The following PARPBP variants were observed in gnomAD, a reference collection of about 807,000 sequenced individuals.
PARPBP encodes PARP1 binding protein, also known as PCNA-interacting partner.
PARPBP carries 52 observed loss-of-function variants against 50.0 expected under a neutral mutation model. The ratio of observed to expected loss-of-function variants is 1.04; its 90% CI spans 0.83 to 1.31. The LOEUF (loss-of-function observed/expected upper bound fraction) is 1.31. PARPBP is among the 50% of genes most tolerant of loss of function. PARPBP has a pLI of 0.00. For missense variants in PARPBP, 697 were observed against 672.0 expected (o/e 1.04, Z -0.41); for synonymous variants, 244 against 232.1 (o/e 1.05, Z -0.47).
intron 6 of PARPBP, among the ~76,000 whole-genome samples, chr12:102,174,012 A>G (rs1175867529): frequency 6.6e-6 from 1 of 151,272 alleles, no homozygotes; most frequent in Non-Finnish European, 1.5e-5. Flanking sequence ...CTTACTATTA[A>G]AAACTTTAGA....
intron 6 of PARPBP, among the ~76,000 whole-genome samples, chr12:102,170,064 A>G (rs1888534776): frequency 6.6e-6 from 1 of 152,220 alleles, no homozygotes; most frequent in African/African-American, 2.4e-5. Context: ...ACTTTTCATG[A>G]GGCCATCTTA....
chr12:102,160,367 T>A (rs114273263), intron 4 of PARPBP, among the ~76,000 whole-genome samples: 1 of 152,316 alleles, frequency 6.6e-6, no homozygotes, highest in African/African-American at 2.4e-5. Flanking sequence ...TAGGATCAGG[T>A]ATATACATAT....
intron 2 of PARPBP, among the ~76,000 whole-genome samples, chr12:102,145,350 C>G (rs1045873506): frequency 1.3e-5 from 2 of 152,030 alleles, no homozygotes; most frequent in African/African-American, 4.8e-5. Context: ...CTATAGAAGA[C>G]AGCAATGTAT....
intron 6 of PARPBP, among the ~76,000 whole-genome samples, chr12:102,171,055 A>C (rs1888665532): frequency 6.6e-6 from 1 of 151,886 alleles, no homozygotes; most frequent in Admixed American, 6.6e-5. Flanking sequence ...CTTCAGGAGC[A>C]GTAATACCCC....
chr12:102,120,320 CA>C (rs1247715179), intron 1 of PARPBP, 34 bp downstream of exon 1: 1 of 370,822 alleles, frequency 2.7e-6, no homozygotes, highest in Non-Finnish European at 5.5e-6. Flanking sequence ...TGCCCTGTCG[CA>C]TTTTTAAGTG....
Position 102,184,425 on chromosome 12 carries a change from A to G in PARPBP, c.1263+1798A>G, listed in dbSNP as rs79022261. 4.8e-3 allele frequency among the ~76,000 whole-genome samples: 734 copies of G among 152,306 alleles called. 6 individuals are homozygous for G. The highest frequency in any genetic ancestry group is 0.017 in the African/African-American group (687 of 41,576). On this transcript the variant is annotated intron_variant, in intron 9 of 10. Transcript: ENST00000327680. ...TTTTTAAAGAAAATGTTAAGGCTCAACTAATTACTACGAAACGTATAGACA... is the reference window on the plus strand; with the variant it reads ...TTTTTAAAGAAAATGTTAAGGCTCAGCTAATTACTACGAAACGTATAGACA...
At chr12:102,156,006 C>T (rs185899018) in intron 4 of PARPBP, among the ~76,000 whole-genome samples, 56 of 152,164 alleles carry the variant, frequency 3.7e-4, no homozygotes, top group African/African-American at 1.1e-3. Flanking sequence ...ACACTCACTG[C>T]GTGGCCCCAG....
At chr12:102,159,378 C>T (rs1199682053) in intron 4 of PARPBP, among the ~76,000 whole-genome samples, 1 of 152,190 alleles carries the variant, frequency 6.6e-6, no homozygotes, top group African/African-American at 2.4e-5. Context: ...CCACCCACCT[C>T]GGCCTCCCAA....
intron 6 of PARPBP, among the ~76,000 whole-genome samples, chr12:102,169,186 TG>T (rs1283045244): frequency 1.3e-5 from 2 of 152,222 alleles, no homozygotes; most frequent in Non-Finnish European, 2.9e-5. Flanking sequence ...TCATAGTCTT[TG>T]GTCTCTTTTG....
intron 4 of PARPBP, among the ~76,000 whole-genome samples, chr12:102,158,007 C>G (rs1329072577): frequency 2.0e-5 from 3 of 150,912 alleles, no homozygotes; most frequent in Non-Finnish European, 4.4e-5. Context: ...GTAGTCCCAG[C>G]TACTCTGGAG....
At chr12:102,147,621 C>T (rs955160939) in intron 2 of PARPBP, among the ~76,000 whole-genome samples, 8 of 151,550 alleles carry the variant, frequency 5.3e-5, no homozygotes, top group South Asian at 2.1e-4. Flanking sequence ...TGCTAAATGA[C>T]GAGTTAATGG....
chr12:102,120,773 T>C (rs916467884), intron 1 of PARPBP, among the ~76,000 whole-genome samples: 1 of 152,214 alleles, frequency 6.6e-6, no homozygotes, highest in Non-Finnish European at 1.5e-5. Context: ...TCTCATTCTG[T>C]GAGGTAGGAA....
chr12:102,153,584 C>T (rs532269298), intron 3 of PARPBP, among the ~76,000 whole-genome samples: 1 of 152,314 alleles, frequency 6.6e-6, no homozygotes, highest in African/African-American at 2.4e-5. Flanking sequence ...TCCAGCAATC[C>T]ACCTGCTTTG....
At chr12:102,163,456 T>G (rs1565884863) in intron 4 of PARPBP, among the ~76,000 whole-genome samples, 1 of 152,174 alleles carries the variant, frequency 6.6e-6, no homozygotes, top group Non-Finnish European at 1.5e-5. Context: ...CTTAAATAGC[T>G]TATTGGATCT....
At chr12:102,123,236 A>G (rs1023998849) in intron 1 of PARPBP, among the ~76,000 whole-genome samples, 3 of 152,234 alleles carry the variant, frequency 2.0e-5, no homozygotes, top group Non-Finnish European at 2.9e-5. Context: ...ACAGTTTAGC[A>G]CAGTGAACCA....
chr12:102,122,331 A>G, intron 1 of PARPBP, among the ~76,000 whole-genome samples: 1 of 152,198 alleles, frequency 6.6e-6, no homozygotes. Context: ...TTCTACCTGT[A>G]TCTTTAAGTT....
intron 2 of PARPBP, among the ~76,000 whole-genome samples, chr12:102,135,582 G>T (rs1276948524): frequency 6.6e-6 from 1 of 151,676 alleles, no homozygotes; most frequent in African/African-American, 2.4e-5. Context: ...AAGGAACTTG[G>T]GTGTTTAATT....
intron 1 of PARPBP, among the ~76,000 whole-genome samples, chr12:102,121,664 C>A (rs1480795594): frequency 6.7e-6 from 1 of 150,154 alleles, no homozygotes; most frequent in African/African-American, 2.5e-5. Flanking sequence ...AGCGATTCTC[C>A]TGTCTCAGCC....
At chr12:102,180,706 G>A (rs112596074) in intron 8 of PARPBP, among the ~76,000 whole-genome samples, 2 of 152,262 alleles carry the variant, frequency 1.3e-5, no homozygotes, top group South Asian at 2.1e-4. Flanking sequence ...AGGTGACAGA[G>A]CAAGAAAGAA....
Sources: allele counts gnomAD v4.1 joint callset (sites outside exome capture counted in the v4.1 genomes callset), GRCh38; gene constraint gnomAD v4.1.1; transcripts MANE v1.5; gene names NCBI Gene and HGNC (gene_info 2026-07-23, HGNC 2026-07-21).